The following GRIN2A variants were observed in gnomAD, a reference collection of about 807,000 sequenced individuals.
The protein encoded by GRIN2A is glutamate receptor ionotropic, NMDA 2A.
In GRIN2A, 22 loss-of-function variants were observed where a neutral mutation model predicts 113.4. That is an observed-to-expected ratio of 0.19 (90% confidence interval 0.14 to 0.28). The LOEUF (loss-of-function observed/expected upper bound fraction) is 0.28, where lower values mean the gene tolerates loss of function less well. Ranked by LOEUF, GRIN2A falls within the 10% of genes least tolerant of loss-of-function variation. The pLI, the probability that GRIN2A is intolerant of heterozygous loss-of-function variation, is 1.00. For synonymous variants in GRIN2A, 827 were observed against 738.4 expected (o/e 1.12, Z -1.94); for missense variants, 1,502 against 1,887.0 (o/e 0.80, Z 3.78).
rs753203288 is a variant in GRIN2A, at chr16:9,822,390, C to T, written c.2042G>A (p.Arg681Gln). 9 of 1,612,440 alleles carry T rather than the reference C, an allele frequency of 5.6e-6. No individual in the cohort carries two copies. The highest frequency in any genetic ancestry group is 6.8e-6 in the Non-Finnish European group (8 of 1,178,868). Residue 681 changes from arginine (R) to glutamine (Q), a missense_variant, in exon 10 of 13, where the codon CGA becomes CAA. By Grantham distance (43) the Arg-to-Gln change is conservative. This residue lies in a region of GRIN2A where 101 missense variants were observed against 240.4 expected (regional missense o/e 0.42). Coordinates refer to ENST00000330684, the MANE Select transcript of GRIN2A (RefSeq NM_001134407.3). The stretch of plus-strand genomic sequence containing the variant: ...GCTTCCATTAGGCACTGTCCCAAAT[C>T]GAAAAGGTGGGGAATAGTCATGAGG... ...QRPHDYSPPF[R>Q]FGTVPNGSTE...
chr16:9,909,208 C>T (rs2044086219), intron 3 of GRIN2A, among the ~76,000 whole-genome samples: 1 of 152,156 alleles, frequency 6.6e-6, no homozygotes, highest in African/African-American at 2.4e-5. Flanking sequence ...CATCAGATCT[C>T]ATGAGACTTA....
chr16:9,797,076 C>T (rs888509293), intron 11 of GRIN2A, among the ~76,000 whole-genome samples: 1 of 152,352 alleles, frequency 6.6e-6, no homozygotes, highest in East Asian at 1.9e-4. Context: ...TTGTGCACTT[C>T]ATTCGAATTC....
chr16:10,167,626 A>C (rs1218109902), intron 2 of GRIN2A, among the ~76,000 whole-genome samples: 1 of 152,194 alleles, frequency 6.6e-6, no homozygotes, highest in Non-Finnish European at 1.5e-5. Context: ...AGGGAACCTG[A>C]GTTCGAAGAT....
chr16:9,806,475 T>C (rs138385353), intron 10 of GRIN2A, among the ~76,000 whole-genome samples: 42 of 152,274 alleles, frequency 2.8e-4, no homozygotes, highest in African/African-American at 9.6e-4. Context: ...AAAAGATGGA[T>C]GGTTAATATT....
chr16:10,107,512 G>A (rs2048522705), intron 2 of GRIN2A, among the ~76,000 whole-genome samples: 1 of 152,160 alleles, frequency 6.6e-6, no homozygotes, highest in Non-Finnish European at 1.5e-5. Flanking sequence ...TGCAGCCTTT[G>A]AATAAATACC....
At chr16:10,083,650 C>A (rs1596488064) in intron 2 of GRIN2A, among the ~76,000 whole-genome samples, 3 of 152,252 alleles carry the variant, frequency 2.0e-5, no homozygotes, top group Admixed American at 2.0e-4. Context: ...ACCTCACCCC[C>A]GATCCCTACT....
intron 9 of GRIN2A, among the ~76,000 whole-genome samples, chr16:9,827,512 C>T (rs750481874): frequency 7.2e-5 from 11 of 152,212 alleles, no homozygotes; most frequent in East Asian, 3.8e-4. Flanking sequence ...GAGAGTGATT[C>T]GTACCTTAAA....
chr16:10,053,047 C>CAAAAAA (rs34069709), intron 2 of GRIN2A, among the ~76,000 whole-genome samples: 6 of 130,498 alleles, frequency 4.6e-5, no homozygotes, highest in African/African-American at 1.4e-4. Context: ...GACTCCATCT[C>CAAAAAA]AAAAAAAAAA....
chr16:9,908,002 T>C (rs1447343076), intron 3 of GRIN2A, among the ~76,000 whole-genome samples: 1 of 152,192 alleles, frequency 6.6e-6, no homozygotes, highest in Non-Finnish European at 1.5e-5. Flanking sequence ...CAGATTTTCA[T>C]CTGGCCGGAG....
chr16:9,946,064 A>G (rs1458828997), intron 2 of GRIN2A, among the ~76,000 whole-genome samples: 2 of 152,300 alleles, frequency 1.3e-5, no homozygotes, highest in African/African-American at 2.4e-5. Flanking sequence ...TATACTGTAC[A>G]TTAATTAGGA....
chr16:10,105,570 A>G (rs1412704099), intron 2 of GRIN2A, among the ~76,000 whole-genome samples: 2 of 152,150 alleles, frequency 1.3e-5, no homozygotes, highest in Non-Finnish European at 2.9e-5. Context: ...GGAAGCCCTT[A>G]TAACCCTTAG....
intron 3 of GRIN2A, among the ~76,000 whole-genome samples, chr16:9,899,761 T>C (rs1347358940): frequency 6.6e-6 from 1 of 152,172 alleles, no homozygotes; most frequent in African/African-American, 2.4e-5. Flanking sequence ...TCCTGACTTT[T>C]AAGCCAGAGC....
At chr16:9,925,172 C>T (rs536360624) in intron 3 of GRIN2A, among the ~76,000 whole-genome samples, 1 of 152,164 alleles carries the variant, frequency 6.6e-6, no homozygotes, top group African/African-American at 2.4e-5. Context: ...ACAGTTTGAT[C>T]TTTTCAAATT....
chr16:10,027,690 T>A (rs2046849749), intron 2 of GRIN2A: 1 of 152,708 alleles, frequency 6.5e-6, no homozygotes, highest in Non-Finnish European at 1.5e-5. Flanking sequence ...GCTTTCAGCA[T>A]GGGCTGGCCT....
chr16:10,170,513 C>T (rs1448449533), intron 2 of GRIN2A, among the ~76,000 whole-genome samples: 4 of 152,152 alleles, frequency 2.6e-5, no homozygotes, highest in African/African-American at 9.7e-5. Context: ...ATAAATGTAA[C>T]CATGTGAGGT....
At chr16:10,137,642 T>A (rs562694019) in intron 2 of GRIN2A, among the ~76,000 whole-genome samples, 1 of 152,322 alleles carries the variant, frequency 6.6e-6, no homozygotes, top group East Asian at 1.9e-4. Context: ...TTTCCTTAAT[T>A]CAACTCACGT....
In GRIN2A at chr16:10,064,541, G is replaced by C. The variant is rs572597712; in HGVS notation, c.414+115457C>G. 1.2e-4 allele frequency among the ~76,000 whole-genome samples: 18 copies of C among 152,268 alleles called. No homozygotes were observed. In the South Asian group the frequency reaches 3.7e-3, roughly 32 times the overall value. ...TTTCTACTGTTCATGCCTCTACATT[G>C]ATGTTTCTCAAGCTTTTATGATCCA... On this transcript the variant is annotated intron_variant, in intron 2 of 12. Coordinates refer to ENST00000330684, the MANE Select transcript of GRIN2A (RefSeq NM_001134407.3).
At chr16:9,797,703 G>C (rs992632176) in intron 11 of GRIN2A, among the ~76,000 whole-genome samples, 4 of 152,200 alleles carry the variant, frequency 2.6e-5, no homozygotes, top group Non-Finnish European at 4.4e-5. Context: ...TTACAGCCTA[G>C]TTATGTAATT....
intron 5 of GRIN2A, among the ~76,000 whole-genome samples, chr16:9,847,923 T>A (rs982371391): frequency 4.3e-5 from 6 of 140,200 alleles, no homozygotes; most frequent in African/African-American, 1.1e-4. Context: ...TTTATATGTT[T>A]TATATATATA....
Sources: allele counts gnomAD v4.1 joint callset (sites outside exome capture counted in the v4.1 genomes callset), GRCh38; gene constraint gnomAD v4.1.1; regional missense constraint gnomAD v4.1.1; transcripts MANE v1.5; gene names NCBI Gene and HGNC (gene_info 2026-07-23, HGNC 2026-07-21).